Variants in MECOM observed in about 807,000 individuals in gnomAD.
MECOM encodes MDS1 and EVI1 complex locus.
A neutral mutation model predicts 116.3 loss-of-function variants in MECOM; 13 were observed. The ratio of observed to expected loss-of-function variants is 0.11; its 90% CI spans 0.07 to 0.18. The LOEUF (loss-of-function observed/expected upper bound fraction) is 0.18. MECOM is among the 10% of genes least tolerant of loss of function. The pLI is 1.00. For synonymous variants in MECOM, 528 were observed against 535.2 expected (o/e 0.99, Z 0.19); for missense variants, 1,299 against 1,509.0 (o/e 0.86, Z 2.31).
At chr3:169,617,935 G>T (rs1422195513) in intron 1 of MECOM, among the ~76,000 whole-genome samples, 1 of 152,098 alleles carries the variant, frequency 6.6e-6, no homozygotes, top group East Asian at 1.9e-4. Context: ...CAGGTGAGTG[G>T]ATCTTTATTC....
intron 1 of MECOM, among the ~76,000 whole-genome samples, chr3:169,536,735 A>C (rs1388079735): frequency 1.3e-5 from 2 of 152,128 alleles, no homozygotes; most frequent in Non-Finnish European, 2.9e-5. Flanking sequence ...TCAAGACCTC[A>C]GCTCCTTTTA....
chr3:169,501,281 A>G (rs1754489064), intron 1 of MECOM, among the ~76,000 whole-genome samples: 1 of 152,046 alleles, frequency 6.6e-6, no homozygotes, highest in African/African-American at 2.4e-5. Flanking sequence ...ACACTAACAG[A>G]CATCCCATTT....
At chr3:169,101,175 T>G (rs1576910302) in intron 11 of MECOM, among the ~76,000 whole-genome samples, 1 of 152,250 alleles carries the variant, frequency 6.6e-6, no homozygotes, top group African/African-American at 2.4e-5. Flanking sequence ...TGGTTGAATT[T>G]GTTCACTTAT....
chr3:169,230,796 C>T (rs1184803722), intron 2 of MECOM, among the ~76,000 whole-genome samples: 1 of 152,132 alleles, frequency 6.6e-6, no homozygotes, highest in Non-Finnish European at 1.5e-5. Context: ...ATCATTGGTT[C>T]ACTTTCACAA....
rs560233753 is a variant in MECOM, at chr3:169,097,304, G to A, written c.2850-2059C>T. 3.4e-4 allele frequency among the ~76,000 whole-genome samples: 52 copies of A among 152,118 alleles called. 1 individual carries two copies. Among genetic ancestry groups the A allele is most frequent in the African/African-American group, 1.2e-3 (48 of 41,492 alleles). On this transcript the variant is annotated intron_variant, in intron 12 of 16. Transcript: ENST00000651503. ...AGCATGTTCTAACCAATGATCAGTTGTTACTTTCTATCTCTCCTCTGCTAA... is the reference window on the plus strand; with the variant it reads ...AGCATGTTCTAACCAATGATCAGTTATTACTTTCTATCTCTCCTCTGCTAA...
intron 1 of MECOM, among the ~76,000 whole-genome samples, chr3:169,592,759 A>G (rs931762254): frequency 6.6e-6 from 1 of 152,204 alleles, no homozygotes; most frequent in African/African-American, 2.4e-5. Context: ...CATCTCAATT[A>G]GGGCACTTAA....
In MECOM at chr3:169,122,576, G is replaced by T. The variant is rs1183915449; in HGVS notation, c.978+4C>A. ...AGGCCAAGTAGCCTACAAATTCACTGTACCTTGGCACAGTTTTCACATTCA... is the reference window on the plus strand; with the variant it reads ...AGGCCAAGTAGCCTACAAATTCACTTTACCTTGGCACAGTTTTCACATTCA... On this transcript the variant is annotated splice_donor_region_variant and intron_variant, in intron 6 of 16. Transcript: ENST00000651503. 1 of 1,613,812 alleles carries T rather than the reference G, an allele frequency of 6.2e-7. No homozygotes were observed. Among genetic ancestry groups the T allele is most frequent in the African/African-American group, 1.3e-5 (1 of 74,928 alleles).
intron 2 of MECOM, among the ~76,000 whole-genome samples, chr3:169,284,832 AG>A (rs1387582713): frequency 1.3e-5 from 2 of 152,186 alleles, no homozygotes; most frequent in African/African-American, 4.8e-5. Flanking sequence ...TTCTCATGTT[AG>A]TGTTGCCATA....
intron 1 of MECOM, chr3:169,565,990 C>T (rs752899455): frequency 4.4e-5 from 19 of 436,560 alleles, no homozygotes; most frequent in Middle Eastern, 3.9e-4. Context: ...GCTGGGGAGG[C>T]CTCAGGAAAC....
At chr3:169,122,507 A>G in intron 6 of MECOM, 73 bp downstream of exon 6, 3 of 1,548,012 alleles carry the variant, frequency 1.9e-6, no homozygotes, top group East Asian at 2.3e-5. Context: ...GTTTTTATAT[A>G]TCGTAGCAAG....
intron 1 of MECOM, among the ~76,000 whole-genome samples, chr3:169,520,397 G>A (rs1341258089): frequency 6.6e-6 from 1 of 152,108 alleles, no homozygotes; most frequent in Non-Finnish European, 1.5e-5. Flanking sequence ...ACAATGTAAT[G>A]AGCACCAAGG....
chr3:169,608,720 C>G (rs562787790), intron 1 of MECOM, among the ~76,000 whole-genome samples: 27 of 152,252 alleles, frequency 1.8e-4, no homozygotes, highest in African/African-American at 5.8e-4. Context: ...AACTGGCTCA[C>G]GTTCTGTTAA....
At chr3:169,560,592 A>G (rs1393113577) in intron 1 of MECOM, among the ~76,000 whole-genome samples, 1 of 152,158 alleles carries the variant, frequency 6.6e-6, no homozygotes, top group African/African-American at 2.4e-5. Context: ...TGTTACTTAC[A>G]AATTGAAAAT....
intron 1 of MECOM, among the ~76,000 whole-genome samples, chr3:169,584,540 G>C (rs1465245201): frequency 6.8e-6 from 1 of 146,374 alleles, no homozygotes; most frequent in African/African-American, 2.6e-5. Context: ...ACTCCAGCCT[G>C]GGCGAAAGAG....
At chr3:169,366,457 A>G (rs545600094) in intron 2 of MECOM, among the ~76,000 whole-genome samples, 1 of 151,950 alleles carries the variant, frequency 6.6e-6, no homozygotes, top group Non-Finnish European at 1.5e-5. Context: ...GTACATTCAC[A>G]TAAGGAGACT....
At chr3:169,432,152 A>T (rs1478339020) in intron 1 of MECOM, among the ~76,000 whole-genome samples, 1 of 151,030 alleles carries the variant, frequency 6.6e-6, no homozygotes, top group African/African-American at 2.4e-5. Context: ...CATTTTTGTG[A>T]TAGTACTACT....
At chr3:169,146,211 A>AC (rs1739864509) in intron 2 of MECOM, 1 of 1,132,414 alleles carries the variant, frequency 8.8e-7, no homozygotes, top group African/African-American at 1.6e-5. Flanking sequence ...AAAGGAAAAA[A>AC]AAAAAAATCC....
rs181172132 is a variant in MECOM at position 169,313,344 on chromosome 3, C to T, written c.375+67843G>A. Reference sequence around the variant, plus strand: ...GAGGAGGAGAAAAATAATGCAATAGCTGGAGTGGTAAGTAGGGTCTAGTGA... The same window carrying T: ...GAGGAGGAGAAAAATAATGCAATAGTTGGAGTGGTAAGTAGGGTCTAGTGA... On this transcript the variant is annotated intron_variant, in intron 2 of 16. Transcript: ENST00000651503. Among the ~76,000 whole-genome samples, 30 of 152,272 alleles carry T rather than the reference C, an allele frequency of 2.0e-4. 1 individual carries two copies. Among genetic ancestry groups the T allele is most frequent in the Admixed American group, 1.9e-3 (29 of 15,292 alleles).
intron 1 of MECOM, among the ~76,000 whole-genome samples, chr3:169,454,062 C>T (rs1202044545): frequency 6.6e-6 from 1 of 152,112 alleles, no homozygotes; most frequent in Non-Finnish European, 1.5e-5. Context: ...CATTTCGATT[C>T]TACAAACAAG....
Sources: gnomAD v4.1 joint callset for allele counts (sites outside exome capture counted in the v4.1 genomes callset) on GRCh38, gnomAD v4.1.1 for gene constraint, MANE v1.5 for transcripts, NCBI Gene and HGNC (gene_info 2026-07-23, HGNC 2026-07-21) for gene names.